COA1: variants seen among roughly 807,000 people sequenced by gnomAD.
COA1 encodes cytochrome c oxidase assembly factor 1.
A neutral mutation model predicts 16.0 loss-of-function variants in COA1; 13 were observed. That is an observed-to-expected ratio of 0.81 (90% confidence interval 0.53 to 1.29). The LOEUF is 1.29. Among genes scored for constraint, COA1 ranks in the 50% most tolerant of loss-of-function variants. COA1 has a pLI of 0.00. For synonymous variants in COA1, 65 were observed against 65.7 expected, an observed-to-expected ratio of 0.99 and a Z score of 0.05; for missense variants, 179 against 177.0, an observed-to-expected ratio of 1.01 and a Z score of -0.06.
intron 1 of COA1, among the ~76,000 whole-genome samples, chr7:43,651,193 C>T (rs181978115): frequency 7.2e-5 from 11 of 152,322 alleles, no homozygotes; most frequent in Admixed American, 7.2e-4. Flanking sequence ...TGTGATGTGC[C>T]ATTCTCTGCA....
chr7:43,623,307 T>C (rs1351996560), intron 6 of COA1: 2 of 379,280 alleles, frequency 5.3e-6, no homozygotes, highest in Non-Finnish European at 9.4e-6. Context: ...TGTCAGTTTA[T>C]GTTTGGTGTT....
intron 1 of COA1, among the ~76,000 whole-genome samples, chr7:43,712,456 C>T (rs1441146456): frequency 6.6e-6 from 1 of 152,160 alleles, no homozygotes; most frequent in Admixed American, 6.5e-5. Context: ...TGCTTTCACA[C>T]TTCCAGGGTG....
At chr7:43,634,173 G>A (rs1054038209) in intron 6 of COA1, among the ~76,000 whole-genome samples, 6 of 151,890 alleles carry the variant, frequency 4.0e-5, no homozygotes, top group Non-Finnish European at 7.4e-5. Flanking sequence ...TCTAAAATCT[G>A]TGTTATCTTG....
chr7:43,637,178 G>A (rs1222805081), downstream of COA1, among the ~76,000 whole-genome samples: 10 of 152,250 alleles, frequency 6.6e-5, no homozygotes, highest in South Asian at 2.1e-3. Context: ...CCCCCTAACT[G>A]ATATCTCTCT....
At chr7:43,695,679 A>T (rs2094504683) in intron 1 of COA1, among the ~76,000 whole-genome samples, 1 of 151,418 alleles carries the variant, frequency 6.6e-6, no homozygotes, top group South Asian at 2.1e-4. Context: ...ATTACATACC[A>T]ATCATATGCC....
intron 6 of COA1, among the ~76,000 whole-genome samples, chr7:43,630,718 C>T (rs2085093937): frequency 6.6e-6 from 1 of 152,192 alleles, no homozygotes; most frequent in Non-Finnish European, 1.5e-5. Flanking sequence ...ACAGATACAT[C>T]TTTACGTAAC....
intron 1 of COA1, among the ~76,000 whole-genome samples, chr7:43,654,408 G>C (rs2091384257): frequency 1.3e-5 from 2 of 152,142 alleles, no homozygotes; most frequent in Admixed American, 1.3e-4. Flanking sequence ...TACTTAATTG[G>C]TTGTAGAAAG....
At chr7:43,716,263 A>C (rs1351848373) in intron 1 of COA1, among the ~76,000 whole-genome samples, 1 of 152,236 alleles carries the variant, frequency 6.6e-6, no homozygotes, top group Non-Finnish European at 1.5e-5. Flanking sequence ...AAATGTGGGA[A>C]GGTTTGGAAC....
intron 1 of COA1, among the ~76,000 whole-genome samples, chr7:43,703,507 G>C (rs1215287136): frequency 6.6e-6 from 1 of 152,134 alleles, no homozygotes; most frequent in East Asian, 1.9e-4. Flanking sequence ...ATGAATCTGG[G>C]TGCTCTAGTG....
chr7:43,684,273 A>G (rs537316955), intron 1 of COA1, among the ~76,000 whole-genome samples: 12 of 152,256 alleles, frequency 7.9e-5, no homozygotes, highest in African/African-American at 2.9e-4. Context: ...ATAAGAATTC[A>G]ATATAGCTGC....
chr7:43,674,420 C>T (rs1261396450), intron 1 of COA1, among the ~76,000 whole-genome samples: 1 of 152,206 alleles, frequency 6.6e-6, no homozygotes, highest in African/African-American at 2.4e-5. Context: ...TATAATACAA[C>T]GTTTGGCAAG....
chr7:43,645,445 G>C (rs1193873383), intron 3 of COA1, 46 bp from the exon 4 acceptor site: 12 of 1,566,036 alleles, frequency 7.7e-6, no homozygotes, highest in Non-Finnish European at 9.7e-6. Flanking sequence ...ACTTGGTCAG[G>C]TAGAATCTAC....
At chr7:43,691,477 G>GAAAGAAAGAA (rs1170433873) in intron 1 of COA1, among the ~76,000 whole-genome samples, 3 of 131,626 alleles carry the variant, frequency 2.3e-5, no homozygotes, top group Admixed American at 7.4e-5. Context: ...AAGAAAGAAA[G>GAAAGAAAGAA]AAATTATCAT....
At chr7:43,621,457 T>C (rs1214102318) in intron 6 of COA1, among the ~76,000 whole-genome samples, 3 of 151,896 alleles carry the variant, frequency 2.0e-5, no homozygotes, top group Non-Finnish European at 4.4e-5. Context: ...CTGAATGAGG[T>C]GGGTTTTTGT....
chr7:43,667,913 GC>G (rs1270128220), intron 1 of COA1, among the ~76,000 whole-genome samples: 1 of 152,178 alleles, frequency 6.6e-6, no homozygotes, highest in African/African-American at 2.4e-5. Flanking sequence ...AAAATTTGGA[GC>G]ATGTTTCTTT....
At chr7:43,670,212 G>A (rs62461089) in intron 1 of COA1, among the ~76,000 whole-genome samples, 2 of 152,152 alleles carry the variant, frequency 1.3e-5, no homozygotes, top group African/African-American at 4.8e-5. Context: ...ACTTTGGGAG[G>A]CCGAGGCAGA....
intron 1 of COA1, among the ~76,000 whole-genome samples, chr7:43,693,619 T>G (rs1365517981): frequency 6.6e-6 from 1 of 152,136 alleles, no homozygotes; most frequent in Non-Finnish European, 1.5e-5. Context: ...ATTTTTAAAG[T>G]TCCATAATCC....
At position 43,640,720 on chromosome 7, in the gene COA1, T is replaced by C. The variant is rs75560416; in HGVS notation, c.265-71A>G. ...ATTGTCATTTCAGAAGATGACAAAA[T>C]GATGCTTTCTAGAGCTAAGCCTATA... On this transcript the variant is annotated intron_variant, in intron 4 of 5. Coordinates refer to ENST00000223336, the MANE Select transcript of COA1 (RefSeq NM_018224.4). 6.2e-4 allele frequency: 708 copies of C among 1,144,796 alleles called. 2 individuals carry two copies. In the African/African-American group the frequency reaches 9.8e-3, roughly 16 times the overall value. The allele number at this position is 1,144,796 out of a possible 1,614,324, so 70.9% of individuals were successfully genotyped here. A position where few individuals can be genotyped will look rare whatever the true frequency, so the allele number is the denominator to read the frequency against.
chr7:43,706,918 C>T (rs772734176), intron 1 of COA1, among the ~76,000 whole-genome samples: 1 of 151,894 alleles, frequency 6.6e-6, no homozygotes, highest in Non-Finnish European at 1.5e-5. Flanking sequence ...CACCTGTAAT[C>T]CCAGCACTTT....
Sources: gnomAD v4.1 joint callset for allele counts (sites outside exome capture counted in the v4.1 genomes callset) on GRCh38, gnomAD v4.1.1 for gene constraint, MANE v1.5 for transcripts, NCBI Gene and HGNC (gene_info 2026-07-23, HGNC 2026-07-21) for gene names.